The following ADGRD1 variants were observed in gnomAD, a reference collection of about 807,000 sequenced individuals.
ADGRD1 encodes the protein G-protein coupled receptor 133.
ADGRD1 carries 77 observed loss-of-function variants against 113.4 expected under a neutral mutation model. That is an observed-to-expected ratio of 0.68 (90% CI 0.57 to 0.82). ADGRD1 has a LOEUF of 0.82. ADGRD1 is among the 40% of genes least tolerant of loss of function. ADGRD1 has a pLI of 0.00. For synonymous variants in ADGRD1, 474 were observed against 475.0 expected, an observed-to-expected ratio of 1.00 and a Z score of 0.03; for missense variants, 1,036 against 1,139.1, an observed-to-expected ratio of 0.91 and a Z score of 1.30.
intron 15 of ADGRD1, among the ~76,000 whole-genome samples, chr12:131,092,601 C>T (rs369044955): frequency 1.1e-4 from 16 of 152,244 alleles, no homozygotes; most frequent in East Asian, 5.8e-4. Context: ...GCATGGGAAG[C>T]GTCCCAGGCA....
rs150363478 is a variant in ADGRD1 at position 131,115,381 on chromosome 12, G to A, written c.2042-3004G>A. On this transcript the variant is annotated intron_variant, in intron 18 of 24. Coordinates refer to ENST00000261654, the MANE Select transcript of ADGRD1 (RefSeq NM_198827.5). The stretch of plus-strand genomic sequence containing the variant: ...CCAGCCCCGTGGCCTCAAGAGCCCC[G>A]AGGGGCAGGGGTGTGGACCTCCCCT... Among the ~76,000 whole-genome samples the A allele has an allele frequency of 2.6e-4, 39 of 152,282 alleles. 1 individual carries two copies. In the East Asian group the frequency reaches 4.3e-3, roughly 17 times the overall value.
At chr12:131,112,563 G>A (rs894214577) in intron 18 of ADGRD1, among the ~76,000 whole-genome samples, 2 of 152,158 alleles carry the variant, frequency 1.3e-5, no homozygotes, top group Non-Finnish European at 2.9e-5. Flanking sequence ...TTCGTTCCCT[G>A]CTGCAAAGCT....
intron 12 of ADGRD1, among the ~76,000 whole-genome samples, chr12:131,008,090 A>G (rs1300527931): frequency 6.6e-6 from 1 of 152,216 alleles, no homozygotes; most frequent in Non-Finnish European, 1.5e-5. Flanking sequence ...AGGAGTAATA[A>G]TAGCACTGAT....
chr12:130,956,038 C>T (rs1869538142), intron 2 of ADGRD1, among the ~76,000 whole-genome samples: 1 of 152,254 alleles, frequency 6.6e-6, no homozygotes, highest in African/African-American at 2.4e-5. Context: ...ATCCAACCAC[C>T]TCGGCCTCCC....
At chr12:130,961,906 G>T (rs891368684) in intron 2 of ADGRD1, among the ~76,000 whole-genome samples, 3 of 152,210 alleles carry the variant, frequency 2.0e-5, no homozygotes, top group African/African-American at 7.2e-5. Context: ...CTGCAGAGCC[G>T]CAATGCTTCG....
In ADGRD1 at chr12:130,966,045, C is replaced by A. The variant is rs1418307912; in HGVS notation, c.104-418C>A. ...ATACCATTCATGTTAGTTTTCTCCT[C>A]TTTTAAAATGATTTTACCCTTATTT... On this transcript the variant is annotated intron_variant, in intron 2 of 24. Coordinates refer to ENST00000261654, the MANE Select transcript of ADGRD1 (RefSeq NM_198827.5). The surrounding 1 kb of genome is among the most constrained non-coding windows in gnomAD (Gnocchi z 4.6). Among the ~76,000 whole-genome samples, 1 of 152,188 alleles carries A rather than the reference C, an allele frequency of 6.6e-6. No individual in the cohort carries two copies. Among genetic ancestry groups the A allele is most frequent in the African/African-American group, 2.4e-5 (1 of 41,440 alleles).
chr12:131,058,511 T>C (rs931779051), intron 13 of ADGRD1, among the ~76,000 whole-genome samples: 4 of 152,246 alleles, frequency 2.6e-5, no homozygotes, highest in Non-Finnish European at 1.5e-5. Context: ...TCTTTTATCA[T>C]TTCCTTTCCA....
intron 6 of ADGRD1, chr12:130,988,263 C>A (rs763891865): frequency 3.9e-5 from 6 of 152,128 alleles, no homozygotes; most frequent in Non-Finnish European, 8.8e-5. Flanking sequence ...TTCATCTTTC[C>A]CCTACAATTC....
At chr12:131,124,475 G>T (rs373793847) in intron 20 of ADGRD1, among the ~76,000 whole-genome samples, 24 of 152,286 alleles carry the variant, frequency 1.6e-4, no homozygotes, top group African/African-American at 5.8e-4. Flanking sequence ...CTTTTAGGAA[G>T]CTGTGTGTTT....
chr12:131,053,753 C>T (rs56316150), intron 13 of ADGRD1, among the ~76,000 whole-genome samples: 8,380 of 152,228 alleles, frequency 0.055, 298 homozygotes, highest in Middle Eastern at 0.099. Context: ...TTATTCATGT[C>T]GTTTACTTAG....
At chr12:131,110,393 A>C (rs1950324165) in intron 18 of ADGRD1, among the ~76,000 whole-genome samples, 1 of 151,940 alleles carries the variant, frequency 6.6e-6, no homozygotes, top group South Asian at 2.1e-4. Context: ...GATTGACCTA[A>C]TGCTTACTAT....
chr12:131,044,015 A>G (rs1593107466), intron 13 of ADGRD1, among the ~76,000 whole-genome samples: 2 of 152,322 alleles, frequency 1.3e-5, no homozygotes, highest in South Asian at 2.1e-4. Flanking sequence ...GCGTCAAGAC[A>G]GCAGGGAAGA....
intron 12 of ADGRD1, among the ~76,000 whole-genome samples, chr12:131,011,478 T>C (rs530737934): frequency 6.6e-6 from 1 of 152,254 alleles, no homozygotes; most frequent in South Asian, 2.1e-4. Context: ...ATCCACTCGC[T>C]CACTCACTCA....
chr12:130,972,343 G>A (rs1871771665), intron 4 of ADGRD1, among the ~76,000 whole-genome samples: 1 of 152,150 alleles, frequency 6.6e-6, no homozygotes, highest in Non-Finnish European at 1.5e-5. Context: ...TGCAGTCCTC[G>A]TAGGAAGCTC....
intron 20 of ADGRD1, among the ~76,000 whole-genome samples, chr12:131,121,786 G>C (rs970455676): frequency 6.6e-6 from 1 of 152,112 alleles, no homozygotes; most frequent in South Asian, 2.1e-4. Context: ...CATGAGGCTC[G>C]TCCCTCATCT....
At chr12:131,044,635 C>T (rs1566059915) in intron 13 of ADGRD1, among the ~76,000 whole-genome samples, 1 of 152,210 alleles carries the variant, frequency 6.6e-6, no homozygotes. Flanking sequence ...TTTATCTTCC[C>T]CTCCCCTGAG....
In ADGRD1 at chr12:130,991,074, C is replaced by G. The variant is rs780763848; in HGVS notation, c.806C>G (p.Pro269Arg). Residue 269 changes from proline (P) to arginine (R), a missense_variant, in exon 7 of 25, where the codon CCC becomes CGC. Pro to Arg is a moderately radical substitution (Grantham distance 103, BLOSUM62 -2). Transcript: ENST00000261654. Reference protein sequence around the residue: ...PSLFMTSTASPVMPTDAYHPI... With the variant: ...PSLFMTSTASRVMPTDAYHPI... The stretch of plus-strand genomic sequence containing the variant: ...CTCTTCATGACATCCACAGCAAGCC[C>G]CGTGGTGAGCAGACACATCTTCCTT... The G allele has an allele frequency of 7.9e-5, 127 of 1,613,524 alleles. No individual in the cohort carries two copies. The highest frequency in any genetic ancestry group is 1.0e-4 in the Non-Finnish European group (120 of 1,179,580).
chr12:131,101,377 C>CTTTTTT (rs71095334), intron 15 of ADGRD1, among the ~76,000 whole-genome samples: 557 of 36,120 alleles, frequency 0.015, 47 homozygotes, highest in Middle Eastern at 0.025. Flanking sequence ...TTCTTTCTTT[C>CTTTTTT]TTTTTTTTTT....
intron 2 of ADGRD1, among the ~76,000 whole-genome samples, chr12:130,955,288 G>A (rs2136450268): frequency 6.6e-6 from 1 of 152,118 alleles, no homozygotes; most frequent in East Asian, 1.9e-4. Flanking sequence ...CAGATTCACT[G>A]GTGGGGAGTT....
Sources: gnomAD v4.1 joint callset for allele counts (sites outside exome capture counted in the v4.1 genomes callset) on GRCh38, gnomAD v4.1.1 for gene constraint, Gnocchi (gnomAD v3.1) non-coding constraint, MANE v1.5 for transcripts, NCBI Gene and HGNC (gene_info 2026-07-23, HGNC 2026-07-21) for gene names.